GLIS3: variants seen among roughly 807,000 people sequenced by gnomAD.
The protein encoded by GLIS3 is GLIS family zinc finger 3, also known as zinc finger protein GLIS3.
Under a neutral mutation model 78.6 loss-of-function variants are expected in GLIS3, and 53 were observed. The observed-to-expected ratio is 0.67, with a 90% CI of 0.54 to 0.85. The LOEUF is 0.85. Among genes scored for constraint, GLIS3 ranks in the 40% least tolerant of loss-of-function variants. GLIS3 has a pLI of 0.00. For synonymous variants in GLIS3, 684 were observed against 509.9 expected, an observed-to-expected ratio of 1.34 and a Z score of -4.60; for missense variants, 1,703 against 1,231.1, an observed-to-expected ratio of 1.38 and a Z score of -5.74.
the GLIS3 span, among the ~76,000 whole-genome samples, chr9:4,377,214 C>T: frequency 7.4e-6 from 1 of 135,108 alleles, no homozygotes; most frequent in African/African-American, 2.6e-5. Flanking sequence ...GACCCATCCT[C>T]GATGTGGGTG....
In GLIS3 at chr9:4,047,874, G is replaced by C. The variant is rs1201473642; in HGVS notation, c.1710+69894C>G. On this transcript the variant is annotated intron_variant, in intron 4 of 10. Transcript: ENST00000381971. ...TAGGAAAATAATTGCAATTAGTGTA[G>C]GCAAGGCCAGTAAACTTTTGTGAGA... is the stretch of plus-strand genomic sequence containing the variant. Among the ~76,000 whole-genome samples the C allele has an allele frequency of 2.6e-5, 4 of 152,182 alleles. 1 individual carries two copies. The highest frequency in any genetic ancestry group is 4.4e-5 in the Non-Finnish European group (3 of 68,024).
At chr9:4,255,414 A>G (rs1824829354) in intron 2 of GLIS3, among the ~76,000 whole-genome samples, 1 of 152,218 alleles carries the variant, frequency 6.6e-6, no homozygotes, top group Non-Finnish European at 1.5e-5. Context: ...AAACCTGTAC[A>G]TAGATGTTTA....
At chr9:4,108,078 C>A (rs1469897951) in intron 4 of GLIS3, among the ~76,000 whole-genome samples, 1 of 152,208 alleles carries the variant, frequency 6.6e-6, no homozygotes, top group Admixed American at 6.5e-5. Context: ...AGAAGAGAGT[C>A]TGAATCTCAA....
At chr9:4,408,535 T>C in the GLIS3 span, among the ~76,000 whole-genome samples, 1 of 151,724 alleles carries the variant, frequency 6.6e-6, no homozygotes, top group Non-Finnish European at 1.5e-5. Flanking sequence ...GAGACCATCC[T>C]GGCTAACACG....
intron 2 of GLIS3, among the ~76,000 whole-genome samples, chr9:4,192,627 T>TCATG (rs1818427523): frequency 6.6e-6 from 1 of 152,168 alleles, no homozygotes; most frequent in Non-Finnish European, 1.5e-5. Context: ...GTCCATTCAT[T>TCATG]CATGCATGCA....
At position 3,886,132 on chromosome 9, in the gene GLIS3, G is replaced by A. The variant is rs528500866; in HGVS notation, c.2129-6537C>T. On this transcript the variant is annotated intron_variant, in intron 7 of 10. Transcript: ENST00000381971. ...GAACTAGGGAAAGATAAGGGTACATGTTGCTCCCAAATGGTAAATCTCGAA... is the reference window on the plus strand; with the variant it reads ...GAACTAGGGAAAGATAAGGGTACATATTGCTCCCAAATGGTAAATCTCGAA... Among the ~76,000 whole-genome samples the A allele has an allele frequency of 4.6e-5, 7 of 152,272 alleles. No individual in the cohort carries two copies. The Middle Eastern group carries it at 0.017, about 370-fold the overall frequency.
At chr9:3,856,241 C>T (rs1244508261) in intron 8 of GLIS3, 57 bp from the exon 9 acceptor site, 9 of 1,501,144 alleles carry the variant, frequency 6.0e-6, no homozygotes, top group Middle Eastern at 2.2e-4. Context: ...GGAACAAAGA[C>T]AAACTCTCCA....
intron 8 of GLIS3, among the ~76,000 whole-genome samples, chr9:3,856,798 G>C (rs1341127715): frequency 6.6e-6 from 1 of 152,180 alleles, no homozygotes; most frequent in Non-Finnish European, 1.5e-5. Context: ...TTGGCAAAGA[G>C]TGTTCCTGAG....
the GLIS3 span, among the ~76,000 whole-genome samples, chr9:4,440,632 G>T: frequency 6.6e-6 from 1 of 152,106 alleles, no homozygotes; most frequent in African/African-American, 2.4e-5. Flanking sequence ...GGTCAGAATT[G>T]CTTTGACTAT....
At chr9:4,255,558 G>A (rs761729759) in intron 2 of GLIS3, among the ~76,000 whole-genome samples, 1 of 152,200 alleles carries the variant, frequency 6.6e-6, no homozygotes, top group African/African-American at 2.4e-5. Context: ...ATCAAGCCAT[G>A]ACAAGATATG....
chr9:4,041,810 G>C (rs1190945528), intron 4 of GLIS3, among the ~76,000 whole-genome samples: 1 of 152,148 alleles, frequency 6.6e-6, no homozygotes, highest in Admixed American at 6.6e-5. Flanking sequence ...TTCCTTAAAA[G>C]ATAAATGACC....
At chr9:3,899,530 A>C (rs147605414) in intron 6 of GLIS3, among the ~76,000 whole-genome samples, 2 of 152,310 alleles carry the variant, frequency 1.3e-5, no homozygotes, top group Non-Finnish European at 2.9e-5. Flanking sequence ...AATGGAAAAA[A>C]AAAACAATGT....
chr9:4,137,968 A>G (rs1256834067), intron 2 of GLIS3, among the ~76,000 whole-genome samples: 4 of 152,198 alleles, frequency 2.6e-5, no homozygotes, highest in African/African-American at 9.6e-5. Flanking sequence ...ACTCTGAAAA[A>G]CTGAAACACC....
At chr9:4,074,143 A>C (rs1389030045) in intron 4 of GLIS3, among the ~76,000 whole-genome samples, 1 of 152,108 alleles carries the variant, frequency 6.6e-6, no homozygotes, top group Non-Finnish European at 1.5e-5. Context: ...TCTTCTTGCT[A>C]ATTTATTGTT....
intron 4 of GLIS3, among the ~76,000 whole-genome samples, chr9:4,063,035 G>C (rs981633749): frequency 6.6e-6 from 1 of 151,804 alleles, no homozygotes; most frequent in Admixed American, 6.6e-5. Context: ...AAACTCTCTT[G>C]ACTCTTTATC....
intron 2 of GLIS3, among the ~76,000 whole-genome samples, chr9:4,187,080 T>G (rs1361343557): frequency 6.6e-6 from 1 of 152,238 alleles, no homozygotes; most frequent in Non-Finnish European, 1.5e-5. Flanking sequence ...CATGCCTATG[T>G]CCTGAATGGT....
At chr9:4,297,684 T>TC (rs541428353) in intron 1 of GLIS3, among the ~76,000 whole-genome samples, 60 of 151,938 alleles carry the variant, frequency 3.9e-4, no homozygotes, top group Non-Finnish European at 6.8e-4. Flanking sequence ...CCCTACCCCT[T>TC]CCCCAGGTTT....
chr9:3,916,212 G>A lies in GLIS3; in HGVS notation c.1983+16148C>T, dbSNP rs570508722. On this transcript the variant is annotated intron_variant, in intron 6 of 10. Coordinates refer to ENST00000381971, the MANE Select transcript of GLIS3 (RefSeq NM_001042413.2). ...CCTTTGTGAAACTCCCATAGTAATC[G>A]AACATCAAGGAAAGGTAGTATGTGA... is the stretch of plus-strand genomic sequence containing the variant. Among the ~76,000 whole-genome samples, 4 of 152,206 alleles carry A rather than the reference G, an allele frequency of 2.6e-5. No individual in the cohort carries two copies. In the South Asian group the frequency reaches 8.3e-4, roughly 32 times the overall value.
chr9:3,848,483 C>T (rs1217350201), intron 9 of GLIS3, among the ~76,000 whole-genome samples: 13 of 152,130 alleles, frequency 8.5e-5, no homozygotes, highest in Non-Finnish European at 2.9e-5. Flanking sequence ...GCCTGGACGA[C>T]AAGAGCGAAA....
Sources: gnomAD v4.1 joint callset for allele counts (sites outside exome capture counted in the v4.1 genomes callset) on GRCh38, gnomAD v4.1.1 for gene constraint, MANE v1.5 for transcripts, NCBI Gene and HGNC (gene_info 2026-07-23, HGNC 2026-07-21) for gene names.